Variants in MTUS2 observed in about 807,000 individuals in gnomAD.
MTUS2 encodes the protein microtubule associated scaffold protein 2, also known as microtubule-associated tumor suppressor candidate 2.
Under a neutral mutation model 114.1 loss-of-function variants are expected in MTUS2, and 40 were observed. The observed-to-expected ratio is 0.35, with a 90% CI of 0.27 to 0.46. The LOEUF (loss-of-function observed/expected upper bound fraction) is 0.46, where lower values mean the gene tolerates loss of function less well. MTUS2 is among the 20% of genes least tolerant of loss of function. The pLI, the probability that MTUS2 is intolerant of heterozygous loss-of-function variation, is 1.00. For synonymous variants in MTUS2, 688 were observed against 672.0 expected, an observed-to-expected ratio of 1.02 and a Z score of -0.37; for missense variants, 1,679 against 1,705.4, an observed-to-expected ratio of 0.98 and a Z score of 0.27.
At chr13:29,271,311 GTCT>G (rs1159206567) in intron 5 of MTUS2, among the ~76,000 whole-genome samples, 3 of 152,176 alleles carry the variant, frequency 2.0e-5, no homozygotes, top group Non-Finnish European at 4.4e-5. Context: ...GTCTGCTACT[GTCT>G]TCTTCCATCT....
chr13:29,102,997 G>C (rs995733374), intron 5 of MTUS2, among the ~76,000 whole-genome samples: 2 of 152,136 alleles, frequency 1.3e-5, no homozygotes, highest in Non-Finnish European at 2.9e-5. Flanking sequence ...AGCTTTGCTG[G>C]AGCAAAGCTT....
chr13:29,102,323 T>C lies in MTUS2; in HGVS notation c.2644+1353T>C, dbSNP rs192899922. On this transcript the variant is annotated intron_variant, in intron 5 of 15. Transcript: ENST00000612955. ...TAGTATGAAGGAAAAACTTATCATA[T>C]GATATATATCTTTCCAACAAAGGAG... Among the ~76,000 whole-genome samples the C allele has an allele frequency of 4.3e-4, 65 of 152,228 alleles. No individual in the cohort carries two copies. In the East Asian group the frequency reaches 7.9e-3, roughly 19 times the overall value.
intron 6 of MTUS2, chr13:29,307,013 A>G (rs1192584988): frequency 5.6e-6 from 3 of 533,732 alleles, no homozygotes; most frequent in Admixed American, 1.9e-5. Context: ...ATCTTCCAGG[A>G]GCGAGATCCC....
intron 2 of MTUS2, among the ~76,000 whole-genome samples, chr13:28,865,830 C>G (rs929508108): frequency 6.6e-6 from 1 of 152,170 alleles, no homozygotes; most frequent in Admixed American, 6.5e-5. Context: ...GAGTCTCTTG[C>G]AGGCTCAGCT....
chr13:29,309,994 A>G (rs1241787473), intron 6 of MTUS2, among the ~76,000 whole-genome samples: 1 of 152,144 alleles, frequency 6.6e-6, no homozygotes, highest in South Asian at 2.1e-4. Flanking sequence ...CTGTTGTCCT[A>G]TCAAATACTA....
intron 2 of MTUS2, among the ~76,000 whole-genome samples, chr13:29,015,182 G>A (rs571167667): frequency 2.0e-5 from 3 of 152,216 alleles, no homozygotes; most frequent in Non-Finnish European, 4.4e-5. Flanking sequence ...TTGCAAGACT[G>A]TGTGCCAAAA....
intron 2 of MTUS2, among the ~76,000 whole-genome samples, chr13:28,951,738 G>A (rs1398610586): frequency 6.6e-6 from 1 of 152,182 alleles, no homozygotes; most frequent in African/African-American, 2.4e-5. Context: ...GGTGGAGGTT[G>A]CAGTGAGCCA....
rs944437790 is a variant in MTUS2 at position 29,283,487 on chromosome 13, T to C, written c.2806+1622T>C. On this transcript the variant is annotated intron_variant, in intron 6 of 15. Transcript: ENST00000612955. ...CTACAATTTATTAACAGTTTGGCCTTGGTTTAATTAGAAAATAATTAGACA... is the reference window on the plus strand; with the variant it reads ...CTACAATTTATTAACAGTTTGGCCTCGGTTTAATTAGAAAATAATTAGACA... Among the ~76,000 whole-genome samples, 4 of 152,234 alleles carry C rather than the reference T, an allele frequency of 2.6e-5. No homozygotes were observed. The South Asian group carries it at 6.2e-4, about 24-fold the overall frequency.
At chr13:28,930,688 C>G (rs1187490435) in intron 2 of MTUS2, among the ~76,000 whole-genome samples, 1 of 152,154 alleles carries the variant, frequency 6.6e-6, no homozygotes, top group Admixed American at 6.5e-5. Flanking sequence ...TGGGTACTTT[C>G]CTTGTTCCCC....
Position 29,480,729 on chromosome 13 carries a change from C to T in MTUS2, c.3399+365C>T, listed in dbSNP as rs1284891910. Among the ~76,000 whole-genome samples, 1 of 152,150 alleles carries T rather than the reference C, an allele frequency of 6.6e-6. No individual in the cohort carries two copies. The highest frequency in any genetic ancestry group is 1.5e-5 in the Non-Finnish European group (1 of 68,034). ...ACATACACACTCTTTCTGTCCCCCT[C>T]CCAGTATTAGTGTTCCTTCAGCACT... On this transcript the variant is annotated intron_variant, in intron 10 of 15. Transcript: ENST00000612955. This position sits in a 1 kb window ranked among gnomAD's most constrained non-coding sequence, Gnocchi z 4.4.
chr13:29,389,397 A>G (rs56035717), intron 8 of MTUS2, among the ~76,000 whole-genome samples: 966 of 22,486 alleles, frequency 0.043, 84 homozygotes, highest in Non-Finnish European at 0.056. Flanking sequence ...ACGTGTGTGT[A>G]TATATGTATA....
At chr13:29,211,008 G>T (rs1409895425) in intron 5 of MTUS2, among the ~76,000 whole-genome samples, 1 of 152,144 alleles carries the variant, frequency 6.6e-6, no homozygotes, top group Non-Finnish European at 1.5e-5. Flanking sequence ...GGTTTCTTTG[G>T]TGATGGGCAG....
At chr13:29,219,868 T>C (rs1255169791) in intron 5 of MTUS2, among the ~76,000 whole-genome samples, 5 of 152,244 alleles carry the variant, frequency 3.3e-5, no homozygotes, top group Non-Finnish European at 7.3e-5. Flanking sequence ...GGGATGTTGC[T>C]CTGGATTATG....
intron 9 of MTUS2, among the ~76,000 whole-genome samples, chr13:29,441,498 G>A (rs1877866411): frequency 6.6e-6 from 1 of 152,120 alleles, no homozygotes; most frequent in Admixed American, 6.5e-5. Flanking sequence ...TGACCTCATT[G>A]CCAAGGCCTC....
chr13:28,974,298 A>G (rs1323358419), intron 2 of MTUS2, among the ~76,000 whole-genome samples: 2 of 152,192 alleles, frequency 1.3e-5, no homozygotes, highest in African/African-American at 4.8e-5. Flanking sequence ...AATTAATTTA[A>G]TCTTGTGAAG....
rs1356761125 is a variant in MTUS2, at chr13:29,503,183, A to G, written c.4087A>G (p.Arg1363Gly). The G allele has an allele frequency of 6.2e-7, 1 of 1,614,032 alleles. No homozygotes were observed. Among genetic ancestry groups the G allele is most frequent in the Middle Eastern group, 1.7e-4 (1 of 5,976 alleles). ...CTCCTCGGGGCCCTCCTCTCCGGCC[A>G]GAGTCAGCACAACACCCAGATGACG... ...GSSSGPSSPA[R>G]VSTTPR is the part of the protein sequence containing the mutation. The change falls in exon 16 of 16, where the codon AGA becomes GGA. Residue 1363 changes from arginine to glycine, a missense_variant. Arg to Gly is a moderately radical substitution (Grantham distance 125, BLOSUM62 -2). Coordinates refer to ENST00000612955, the MANE Select transcript of MTUS2 (RefSeq NM_001033602.4).
Position 29,277,276 on chromosome 13 carries a change from C to T in MTUS2, c.2645-4428C>T, listed in dbSNP as rs1259897293. On this transcript the variant is annotated intron_variant, in intron 5 of 15. Coordinates refer to ENST00000612955, the MANE Select transcript of MTUS2 (RefSeq NM_001033602.4). ...GTGGTCCTAGGGTATAATTATTACTCAGCATGTTTGCTGATTTTACATCTG... is the reference window on the plus strand; with the variant it reads ...GTGGTCCTAGGGTATAATTATTACTTAGCATGTTTGCTGATTTTACATCTG... Among the ~76,000 whole-genome samples, 4 of 152,296 alleles carry T rather than the reference C, an allele frequency of 2.6e-5. No homozygotes were observed. The East Asian group carries it at 5.8e-4, about 22-fold the overall frequency.
chr13:29,223,934 G>A (rs1896006222), intron 5 of MTUS2, among the ~76,000 whole-genome samples: 1 of 152,198 alleles, frequency 6.6e-6, no homozygotes, highest in Non-Finnish European at 1.5e-5. Flanking sequence ...CCACAGCCTT[G>A]CACGGAACCA....
rs375964848 is a variant in MTUS2 at position 28,948,553 on chromosome 13, G to A, written c.-242-75904G>A. On this transcript the variant is annotated intron_variant, in intron 2 of 15. Transcript: ENST00000612955. ...GGTTCCTCTATTACTTAGAAAATTA[G>A]TCTTCTTGATTTCTAAGATTTTTCC... Among the ~76,000 whole-genome samples, 19 of 152,278 alleles carry A rather than the reference G, an allele frequency of 1.2e-4. 1 individual carries two copies. Among genetic ancestry groups the A allele is most frequent in the African/African-American group, 4.1e-4 (17 of 41,562 alleles).
Sources: allele counts gnomAD v4.1 joint callset (sites outside exome capture counted in the v4.1 genomes callset), GRCh38; gene constraint gnomAD v4.1.1; non-coding constraint Gnocchi (gnomAD v3.1); transcripts MANE v1.5; gene names NCBI Gene and HGNC (gene_info 2026-07-23, HGNC 2026-07-21).